The following WWOX variants were observed in gnomAD, a reference collection of about 807,000 sequenced individuals.
WWOX encodes WW domain containing oxidoreductase, also known as WW domain-containing oxidoreductase.
Under a neutral mutation model 46.2 loss-of-function variants are expected in WWOX, and 69 were observed. The observed-to-expected ratio is 1.49, with a 90% confidence interval of 1.23 to 1.82. The LOEUF is 1.82. WWOX is among the 40% of genes most tolerant of loss of function. The pLI is 0.00. For synonymous variants in WWOX, 359 were observed against 202.6 expected (o/e 1.77, Z -6.56); for missense variants, 919 against 542.6 (o/e 1.69, Z -6.89).
intron 8 of WWOX, among the ~76,000 whole-genome samples, chr16:78,839,401 T>C (rs2052078559): frequency 6.6e-6 from 1 of 152,166 alleles, no homozygotes; most frequent in Admixed American, 6.5e-5. Context: ...CTGAAACTTG[T>C]TGGTTTGGCA....
chr16:78,270,588 C>T (rs893781240), intron 5 of WWOX: 2 of 152,174 alleles, frequency 1.3e-5, no homozygotes, highest in African/African-American at 4.8e-5. Flanking sequence ...TTTGCTCTGC[C>T]ATGAGTAACG....
intron 8 of WWOX, among the ~76,000 whole-genome samples, chr16:78,947,632 C>T (rs75004553): frequency 0.016 from 2,377 of 152,168 alleles, 49 homozygotes; most frequent in African/African-American, 0.055. Context: ...TCAGATAACC[C>T]CCGATCGTAA....
At chr16:78,852,465 A>G (rs77852333) in intron 8 of WWOX, among the ~76,000 whole-genome samples, 1,554 of 152,308 alleles carry the variant, frequency 0.01, 28 homozygotes, top group African/African-American at 0.036. Flanking sequence ...GGCTTCCAAC[A>G]GTCAGACCAG....
chr16:78,493,971 A>G (rs1032664019), intron 8 of WWOX, among the ~76,000 whole-genome samples: 2 of 152,238 alleles, frequency 1.3e-5, no homozygotes, highest in African/African-American at 4.8e-5. Context: ...TCACACTGCT[A>G]TAAAGACATT....
chr16:78,703,534 C>G (rs990953368), intron 8 of WWOX, among the ~76,000 whole-genome samples: 1 of 151,950 alleles, frequency 6.6e-6, no homozygotes, highest in Non-Finnish European at 1.5e-5. Flanking sequence ...CAGGAGGATC[C>G]CTTGAGTCCA....
intron 5 of WWOX, among the ~76,000 whole-genome samples, chr16:78,333,719 A>G (rs1190476344): frequency 1.3e-5 from 2 of 152,232 alleles, no homozygotes; most frequent in Non-Finnish European, 2.9e-5. Context: ...TAGACTTGAT[A>G]CACATGAAAT....
intron 8 of WWOX, among the ~76,000 whole-genome samples, chr16:78,547,127 G>GAAAAAAAAAAAAAAA (rs199726097): frequency 8.0e-5 from 7 of 87,502 alleles, no homozygotes; most frequent in African/African-American, 4.8e-4. Context: ...CCTTGTCTCA[G>GAAAAAAAAAAAAAAA]AAAAAAAAAA....
intron 8 of WWOX, among the ~76,000 whole-genome samples, chr16:78,606,134 C>T (rs942497828): frequency 3.9e-5 from 6 of 152,218 alleles, no homozygotes; most frequent in Admixed American, 6.5e-5. Context: ...CACAACCAAT[C>T]ATCATGGTTT....
chr16:79,139,939 C>G (rs540658768), intron 8 of WWOX, among the ~76,000 whole-genome samples: 2 of 152,342 alleles, frequency 1.3e-5, no homozygotes, highest in South Asian at 4.1e-4. Context: ...CAAATACGGA[C>G]TTGTACATTT....
chr16:78,460,367 G>A (rs1458477944), intron 8 of WWOX, among the ~76,000 whole-genome samples: 9 of 152,046 alleles, frequency 5.9e-5, no homozygotes, highest in South Asian at 2.1e-4. Flanking sequence ...ACCTCTCCTC[G>A]GCCTTGCAAA....
chr16:78,771,294 A>T (rs993793366), intron 8 of WWOX, among the ~76,000 whole-genome samples: 1 of 152,210 alleles, frequency 6.6e-6, no homozygotes, highest in Non-Finnish European at 1.5e-5. Flanking sequence ...GTATCCAGTT[A>T]GGAAGCTATC....
chr16:78,769,963 G>C (rs1302784169), intron 8 of WWOX, among the ~76,000 whole-genome samples: 1 of 152,156 alleles, frequency 6.6e-6, no homozygotes, highest in East Asian at 1.9e-4. Context: ...AGGATCGCTT[G>C]AGCTCAAGAG....
chr16:79,009,655 T>C (rs2047263899), intron 8 of WWOX, among the ~76,000 whole-genome samples: 1 of 152,206 alleles, frequency 6.6e-6, no homozygotes, highest in African/African-American at 2.4e-5. Flanking sequence ...TTCCCCATGT[T>C]GGCCAGCCTT....
At chr16:78,670,717 GCC>G (rs2047441525) in intron 8 of WWOX, among the ~76,000 whole-genome samples, 1 of 151,908 alleles carries the variant, frequency 6.6e-6, no homozygotes, top group Admixed American at 6.6e-5. Flanking sequence ...TTGCCATCTT[GCC>G]CAGGCTAGTC....
intron 8 of WWOX, among the ~76,000 whole-genome samples, chr16:79,069,958 G>T (rs1348045054): frequency 1.3e-5 from 2 of 152,178 alleles, no homozygotes; most frequent in East Asian, 3.8e-4. Context: ...ATTTAAGGAT[G>T]TTCAAGGCAA....
chr16:79,042,172 A>C (rs535351296), intron 8 of WWOX, among the ~76,000 whole-genome samples: 1 of 152,242 alleles, frequency 6.6e-6, no homozygotes, highest in South Asian at 2.1e-4. Context: ...GCTCAGATGC[A>C]CACAGTGATT....
intron 4 of WWOX, among the ~76,000 whole-genome samples, chr16:78,148,755 G>A (rs1476337488): frequency 1.3e-5 from 2 of 151,860 alleles, no homozygotes; most frequent in African/African-American, 2.4e-5. Flanking sequence ...AAAATTAGCT[G>A]GGCATGGTGG....
At chr16:78,532,446 C>G (rs954198381) in intron 8 of WWOX, among the ~76,000 whole-genome samples, 1 of 152,120 alleles carries the variant, frequency 6.6e-6, no homozygotes, top group Non-Finnish European at 1.5e-5. Context: ...AGCTGAAATG[C>G]ATGAACATGC....
chr16:79,207,394 T>G lies in WWOX; in HGVS notation c.1057-4214T>G, dbSNP rs139394999. On this transcript the variant is annotated intron_variant, in intron 8 of 8. Coordinates refer to ENST00000566780, the MANE Select transcript of WWOX (RefSeq NM_016373.4). Reference sequence around the variant, plus strand: ...CCACTTTGTCCTGGGACGTTAGTCATGGGAACACTGCCGTCTTCAAAAGGG... The same window carrying G: ...CCACTTTGTCCTGGGACGTTAGTCAGGGGAACACTGCCGTCTTCAAAAGGG... 3.1e-3 allele frequency among the ~76,000 whole-genome samples: 476 copies of G among 152,384 alleles called. 4 individuals are homozygous for G. Among genetic ancestry groups the G allele is most frequent in the Admixed American group, 0.024 (369 of 15,310 alleles).
Sources: allele counts gnomAD v4.1 joint callset (sites outside exome capture counted in the v4.1 genomes callset), GRCh38; gene constraint gnomAD v4.1.1; transcripts MANE v1.5; gene names NCBI Gene and HGNC (gene_info 2026-07-23, HGNC 2026-07-21).